GALNT1: variants seen among roughly 807,000 people sequenced by gnomAD.
GALNT1 encodes the protein GalNAc transferase 1.
In GALNT1, 17 loss-of-function variants were observed where a neutral mutation model predicts 65.7. That is an observed-to-expected ratio of 0.26 (90% CI 0.18 to 0.39). The LOEUF is 0.39. Ranked by LOEUF, GALNT1 falls within the 10% of genes least tolerant of loss-of-function variation. The pLI is 1.00. For synonymous variants in GALNT1, 210 were observed against 219.7 expected, an observed-to-expected ratio of 0.96 and a Z score of 0.39; for missense variants, 460 against 672.8, an observed-to-expected ratio of 0.68 and a Z score of 3.50.
intron 1 of GALNT1, among the ~76,000 whole-genome samples, chr18:35,641,357 T>C (rs1019354771): frequency 2.0e-5 from 3 of 152,040 alleles, no homozygotes; most frequent in Admixed American, 6.6e-5. Context: ...GTGGGAAGGA[T>C]TCATTGAGCC....
chr18:35,596,923 T>C (rs187073788), intron 1 of GALNT1: 23 of 152,368 alleles, frequency 1.5e-4, no homozygotes, highest in African/African-American at 5.3e-4. Context: ...ACTACTCAAT[T>C]GGATTCTTCA....
chr18:35,597,253 A>T (rs1042724887), intron 1 of GALNT1: 3 of 152,198 alleles, frequency 2.0e-5, no homozygotes, highest in African/African-American at 7.2e-5. Flanking sequence ...GTAGGGATTT[A>T]TAGTATTTGC....
At chr18:35,646,616 G>T (rs1282490012) in intron 1 of GALNT1, among the ~76,000 whole-genome samples, 1 of 152,224 alleles carries the variant, frequency 6.6e-6, no homozygotes, top group African/African-American at 2.4e-5. Context: ...AGTGCTGGGG[G>T]AGGCCATAGA....
intron 1 of GALNT1, among the ~76,000 whole-genome samples, chr18:35,641,543 T>TA (rs1044371889): frequency 1.3e-5 from 2 of 152,104 alleles, no homozygotes; most frequent in Admixed American, 6.6e-5. Flanking sequence ...ACACATCTAG[T>TA]AGAGCAGAAC....
intron 8 of GALNT1, 125 bp from the exon 9 acceptor site, chr18:35,692,056 G>A: frequency 2.7e-6 from 2 of 738,184 alleles, no homozygotes. Context: ...GTCTCCACTT[G>A]TATAGTCACA....
intron 1 of GALNT1, among the ~76,000 whole-genome samples, chr18:35,607,644 T>G (rs2046667727): frequency 6.6e-6 from 1 of 152,162 alleles, no homozygotes; most frequent in South Asian, 2.1e-4. Context: ...TGTTCTAACT[T>G]TCGTATTTGC....
intron 1 of GALNT1, among the ~76,000 whole-genome samples, chr18:35,605,572 G>A (rs2046636795): frequency 1.3e-5 from 2 of 150,674 alleles, no homozygotes; most frequent in South Asian, 4.2e-4. Flanking sequence ...AAAACTCTTA[G>A]ATCTCCCTCC....
At chr18:35,593,443 G>A (rs980815442) in intron 1 of GALNT1, among the ~76,000 whole-genome samples, 1 of 152,104 alleles carries the variant, frequency 6.6e-6, no homozygotes, top group East Asian at 1.9e-4. Flanking sequence ...GCTTGCATTC[G>A]GGGTAGTTGA....
chr18:35,618,550 A>AT (rs1006582852), intron 1 of GALNT1, among the ~76,000 whole-genome samples: 2 of 152,214 alleles, frequency 1.3e-5, no homozygotes, highest in African/African-American at 4.8e-5. Context: ...AACCCAAGTG[A>AT]TTAGAGGTTT....
intron 7 of GALNT1, among the ~76,000 whole-genome samples, chr18:35,689,621 CATAAATTTCACATTT>C (rs1450671315): frequency 1.6e-5 from 2 of 123,318 alleles, no homozygotes; most frequent in African/African-American, 6.0e-5. Context: ...CTCTCAAAAA[CATAAATTTCACATTT>C]AAACATAAAT....
chr18:35,621,285 C>T (rs1351705264), intron 1 of GALNT1, among the ~76,000 whole-genome samples: 1 of 124,756 alleles, frequency 8.0e-6, no homozygotes, highest in Non-Finnish European at 1.7e-5. Context: ...CCCAAGTGAT[C>T]CCCCCACCTC....
chr18:35,664,675 A>G (rs2047520561), intron 3 of GALNT1, among the ~76,000 whole-genome samples: 1 of 152,230 alleles, frequency 6.6e-6, no homozygotes, highest in East Asian at 1.9e-4. Flanking sequence ...TATTAGTTAG[A>G]TGTCTAGTTG....
chr18:35,700,130 T>C (rs2048134213), intron 9 of GALNT1, among the ~76,000 whole-genome samples: 1 of 152,120 alleles, frequency 6.6e-6, no homozygotes, highest in South Asian at 2.1e-4. Context: ...ACACACCCCA[T>C]AGATGAGGTA....
At position 35,653,979 on chromosome 18, in the gene GALNT1, G is replaced by A. The variant is rs555804697; in HGVS notation, c.-103-581G>A. The stretch of plus-strand genomic sequence containing the variant: ...ATGGGATTCAGTGTGAAAGAGGAAC[G>A]AGAGTTAACTCAGGAAGCTGCTGTA... On this transcript the variant is annotated intron_variant, in intron 1 of 11. Transcript: ENST00000269195. 9.8e-5 allele frequency among the ~76,000 whole-genome samples: 15 copies of A among 152,322 alleles called. No individual in the cohort carries two copies. In the South Asian group the frequency reaches 2.7e-3, roughly 27 times the overall value.
intron 1 of GALNT1, chr18:35,627,427 A>G (rs1048909664): frequency 1.3e-5 from 2 of 152,174 alleles, no homozygotes; most frequent in Non-Finnish European, 2.9e-5. Flanking sequence ...TCATTTTTCA[A>G]CAGGAGATGT....
chr18:35,587,649 T>C (rs571733384), intron 1 of GALNT1, among the ~76,000 whole-genome samples: 2 of 152,338 alleles, frequency 1.3e-5, no homozygotes, highest in East Asian at 3.9e-4. Context: ...ATTGTATTGA[T>C]TTATTTTTTA....
At chr18:35,708,228 C>T (rs1359569202) in intron 11 of GALNT1, among the ~76,000 whole-genome samples, 2 of 151,964 alleles carry the variant, frequency 1.3e-5, no homozygotes, top group African/African-American at 4.8e-5. Context: ...ATAAACTACA[C>T]AAAGTCTGCA....
At chr18:35,694,660 C>G (rs1218666861) in intron 9 of GALNT1, among the ~76,000 whole-genome samples, 1 of 152,202 alleles carries the variant, frequency 6.6e-6, no homozygotes, top group African/African-American at 2.4e-5. Context: ...TCACAATAGC[C>G]AAGAAGTAGA....
chr18:35,689,592 A>AT (rs2047923464), intron 7 of GALNT1, among the ~76,000 whole-genome samples: 1 of 152,168 alleles, frequency 6.6e-6, no homozygotes, highest in African/African-American at 2.4e-5. Context: ...TAGTTTGGAT[A>AT]TGCTACTTTG....
Sources: gnomAD v4.1 joint callset for allele counts (sites outside exome capture counted in the v4.1 genomes callset) on GRCh38, gnomAD v4.1.1 for gene constraint, MANE v1.5 for transcripts, NCBI Gene and HGNC (gene_info 2026-07-23, HGNC 2026-07-21) for gene names.